The following THBS1 variants were observed in gnomAD, a reference collection of about 807,000 sequenced individuals.
THBS1 encodes the protein thrombospondin-1.
In THBS1, 29 loss-of-function variants were observed where a neutral mutation model predicts 126.1. The ratio of observed to expected loss-of-function variants is 0.23; its 90% CI spans 0.17 to 0.31. The LOEUF is 0.31. THBS1 is among the 10% of genes least tolerant of loss of function. The probability of loss-of-function intolerance (pLI) is 1.00; values close to 1 mark genes in which losing one functional copy is unlikely to be tolerated. For missense variants in THBS1, 1,198 were observed against 1,545.2 expected (o/e 0.78, Z 3.77); for synonymous variants, 496 against 577.8 (o/e 0.86, Z 2.03).
At position 39,598,324 on chromosome 15, in the gene THBS1, G is replaced by T. The variant is rs1418236506; in HGVS notation, c.*2955G>T. ...CTATAAATACTCATCTTTCTGAGTA[G>T]CCATGATCACATACAAATGTAAATT... On this transcript the variant is annotated 3_prime_UTR_variant, in exon 22 of 22. Transcript: ENST00000260356. 6.6e-6 allele frequency: 1 copy of T among 152,148 alleles called. No homozygotes were observed. The highest frequency in any genetic ancestry group is 1.5e-5 in the Non-Finnish European group (1 of 68,030). 9.4% of individuals were successfully genotyped at this position (152,148 alleles called of 1,614,324 possible). A position where few individuals can be genotyped will look rare whatever the true frequency, so the allele number is the denominator to read the frequency against.
At position 39,592,432 on chromosome 15, in the gene THBS1, G is replaced by A. The variant is rs561942568; in HGVS notation, c.2533-136G>A. 1.1e-5 allele frequency: 7 copies of A among 635,542 alleles called. No homozygotes were observed. The South Asian group carries it at 1.6e-4, about 14-fold the overall frequency. The allele number at this position is 635,542 out of a possible 1,614,324, so 39.4% of individuals were successfully genotyped here. On this transcript the variant is annotated intron_variant, in intron 16 of 21. Coordinates refer to ENST00000260356, the MANE Select transcript of THBS1 (RefSeq NM_003246.4). This position sits in a 1 kb window ranked among gnomAD's most constrained non-coding sequence, Gnocchi z 4.3. ...TTGCTACTATTGCTATCTTTCTGCA[G>A]GAGTGTGTAAATAGACATGACACCC...
rs1890422700 is a variant in THBS1, at chr15:39,595,610, T to C, written c.*241T>C. 1.6e-6 allele frequency: 1 copy of C among 636,280 alleles called. No homozygotes were observed. The highest frequency in any genetic ancestry group is 1.6e-5 in the South Asian group (1 of 62,220). 39.4% of individuals were successfully genotyped at this position (636,280 alleles called of 1,614,324 possible). On this transcript the variant is annotated 3_prime_UTR_variant, in exon 22 of 22. Transcript: ENST00000260356. The stretch of plus-strand genomic sequence containing the variant: ...CTTCCAAGCATATAAACAATTGCTT[T>C]GGTTTCCTTTTGAAAAAGCATCTAC...
At chr15:39,591,644 CAG>C in intron 16 of THBS1, 21 bp downstream of exon 16, 1 of 1,587,088 alleles carries the variant, frequency 6.3e-7, no homozygotes, top group Non-Finnish European at 8.7e-7. Flanking sequence ...GGACTCCTTT[CAG>C]AGTCTTTCAG....
rs1890546362 is a variant in THBS1, at chr15:39,598,956, C to T, written c.*3587C>T. The T allele has an allele frequency of 6.6e-6, 1 of 152,018 alleles. No homozygotes were observed. The highest frequency in any genetic ancestry group is 2.1e-4 in the South Asian group (1 of 4,824). 9.4% of individuals were successfully genotyped at this position (152,018 alleles called of 1,614,324 possible). A position where few individuals can be genotyped will look rare whatever the true frequency, so the allele number is the denominator to read the frequency against. On this transcript the variant is annotated 3_prime_UTR_variant, in exon 22 of 22. Coordinates refer to ENST00000260356, the MANE Select transcript of THBS1 (RefSeq NM_003246.4). ...TTTATTTTTGAGATGAAGTCTTGCT[C>T]TGTCGCCCAGGCTGGAGTGCAGTGA...
intron 10 of THBS1, 120 bp from the exon 11 acceptor site, chr15:39,588,839 C>T: frequency 6.3e-7 from 1 of 1,591,128 alleles, no homozygotes; most frequent in African/African-American, 1.3e-5. Flanking sequence ...CAACATAATC[C>T]CAACAAGTTA....
chr15:39,588,180 C>T lies in THBS1; in HGVS notation c.1433C>T (p.Ala478Val), dbSNP rs202167420. The change falls in exon 9 of 22, where the codon GCG (alanine) becomes GTG (valine). Residue 478 changes from alanine to valine, a missense_variant. By Grantham distance (64) the Ala-to-Val change is moderately conservative (BLOSUM62 0). Transcript: ENST00000260356. The stretch of plus-strand genomic sequence containing the variant: ...AACGGGAAACCCTGTGAAGGCGAAG[C>T]GCGGGAGACCAAAGCCTGCAAGAAA... ...QMNGKPCEGEARETKACKKDA... is the reference protein window; with the variant it reads ...QMNGKPCEGEVRETKACKKDA... The T allele has an allele frequency of 2.5e-6, 4 of 1,614,124 alleles. No individual in the cohort carries two copies. The highest frequency in any genetic ancestry group is 1.7e-5 in the Admixed American group (1 of 60,022).
intron 15 of THBS1, 66 bp from the exon 16 acceptor site, chr15:39,591,439 A>G (rs1890326749): frequency 6.2e-7 from 1 of 1,608,928 alleles, no homozygotes; most frequent in African/African-American, 1.3e-5. Flanking sequence ...GGCTATTAGT[A>G]TGCACTTTGG....
chr15:39,589,371 G>T lies in THBS1; in HGVS notation c.1926+17G>T. On this transcript the variant is annotated intron_variant, in intron 12 of 21. Coordinates refer to ENST00000260356, the MANE Select transcript of THBS1 (RefSeq NM_003246.4). The surrounding 1 kb of genome is among the most constrained non-coding windows in gnomAD (Gnocchi z 4.7). Reference sequence around the variant, plus strand: ...AACAAACAGGTACAGTCAACTAGACGAGTAAACCAGAGGACAGGAGAGCTG... The same window carrying T: ...AACAAACAGGTACAGTCAACTAGACTAGTAAACCAGAGGACAGGAGAGCTG... 1 of 1,613,356 alleles carries T rather than the reference G, an allele frequency of 6.2e-7. No individual in the cohort carries two copies. Among genetic ancestry groups the T allele is most frequent in the Non-Finnish European group, 8.5e-7 (1 of 1,179,884 alleles).
In THBS1 at chr15:39,582,524, C is replaced by G. The variant is rs1211234044; in HGVS notation, c.399C>G (p.Thr133=). The G allele has an allele frequency of 3.7e-6, 6 of 1,613,982 alleles. No individual in the cohort carries two copies. In the African/African-American group the frequency reaches 5.3e-5, roughly 14 times the overall value. ...CGGGCACCCTGGACCTCAGCCTGACCGTCCAAGGAAAGCAGCACGTGGTGT... is the reference window on the plus strand; with the variant it reads ...CGGGCACCCTGGACCTCAGCCTGACGGTCCAAGGAAAGCAGCACGTGGTGT... ...GKAGTLDLSL[T]VQGKQHVVSV... The change falls in exon 3 of 22, where the codon ACC becomes ACG. Residue 133 remains threonine, a synonymous_variant. Coordinates refer to ENST00000260356, the MANE Select transcript of THBS1 (RefSeq NM_003246.4).
intron 13 of THBS1, 130 bp from the exon 14 acceptor site, chr15:39,590,385 TA>T (rs528607447): frequency 3.0e-4 from 208 of 681,990 alleles, no homozygotes; most frequent in Non-Finnish European, 4.0e-4. Context: ...TGTCTTCCCA[TA>T]AAAAAAATAT....
chr15:39,594,825 G>A lies in THBS1; in HGVS notation c.3505+385G>A, dbSNP rs1027417359. 3.3e-5 allele frequency among the ~76,000 whole-genome samples: 5 copies of A among 152,256 alleles called. No individual in the cohort carries two copies. Among genetic ancestry groups the A allele is most frequent in the Middle Eastern group, 3.4e-3 (1 of 294 alleles). On this transcript the variant is annotated intron_variant, in intron 21 of 21. Coordinates refer to ENST00000260356, the MANE Select transcript of THBS1 (RefSeq NM_003246.4). The surrounding 1 kb of genome is among the most constrained non-coding windows in gnomAD (Gnocchi z 4.4). ...GAGTTAGCATTCCCAACTTTTCCCT[G>A]TATACAAAGAAGGGAGAGGAATGTT...
rs1555385363 is a variant in THBS1, at chr15:39,593,202, C to T, written c.2970C>T (p.Val990=). 13 of 1,613,878 alleles carry T rather than the reference C, an allele frequency of 8.1e-6. No homozygotes were observed. In the Admixed American group the frequency reaches 1.0e-4, roughly 12 times the overall value. The change falls in exon 18 of 22, where the codon GTC becomes GTT. Residue 990 remains valine (V), a synonymous_variant. Transcript: ENST00000260356. This position sits in a 1 kb window ranked among gnomAD's most constrained non-coding sequence, Gnocchi z 5.9. ...RHQGKELVQT[V]NCDPGLAVGY... ...AGGGTAAAGAACTCGTCCAGACTGT[C>T]AACTGTGATCCTGGACTCGCTGTAG...
chr15:39,588,513 C>A lies in THBS1; in HGVS notation c.1472-13C>A. ...TTGATCTTAATTGTTGCCTGTGGTT[C>A]ATCTTCTTACAGTCAATGGAGGCTG... On this transcript the variant is annotated splice_polypyrimidine_tract_variant and intron_variant, in intron 9 of 21. Transcript: ENST00000260356. 6.5e-7 allele frequency: 1 copy of A among 1,534,992 alleles called. No individual in the cohort carries two copies. Among genetic ancestry groups the A allele is most frequent in the South Asian group, 1.3e-5 (1 of 77,134 alleles).
Position 39,588,633 on chromosome 15 carries a change from G to A in THBS1, c.1579G>A (p.Gly527Arg). The A allele has an allele frequency of 6.2e-7, 1 of 1,611,032 alleles. No individual in the cohort carries two copies. Among genetic ancestry groups the A allele is most frequent in the Non-Finnish European group, 8.5e-7 (1 of 1,178,868 alleles). ...CTGCAACAACCCCACACCCCAGTTTGGAGGCAAGGACTGCGTTGGTGATGT... is the reference window on the plus strand; with the variant it reads ...CTGCAACAACCCCACACCCCAGTTTAGAGGCAAGGACTGCGTTGGTGATGT... Reference protein sequence around the residue: ...RLCNNPTPQFGGKDCVGDVTE... With the variant: ...RLCNNPTPQFRGKDCVGDVTE... Residue 527 changes from glycine to arginine, a missense_variant, in exon 10 of 22, where the codon GGA becomes AGA. Gly to Arg is a moderately radical substitution (Grantham distance 125). Transcript: ENST00000260356.
intron 4 of THBS1, 114 bp from the exon 5 acceptor site, chr15:39,583,874 G>A (rs538932177): frequency 1.1e-5 from 15 of 1,350,600 alleles, no homozygotes; most frequent in African/African-American, 8.7e-5. Flanking sequence ...GCGCATACAC[G>A]CAACCCCTCT....
rs905318517 is a variant in THBS1, at chr15:39,589,684, C to G, written c.1927-121C>G. On this transcript the variant is annotated intron_variant, in intron 12 of 21. Coordinates refer to ENST00000260356, the MANE Select transcript of THBS1 (RefSeq NM_003246.4). The surrounding 1 kb of genome is among the most constrained non-coding windows in gnomAD (Gnocchi z 4.7). ...GGAGAATGGGGAGGGACAGAGGTAACCCACACTCTTCCAAATGGAGCCTCT... is the reference window on the plus strand; with the variant it reads ...GGAGAATGGGGAGGGACAGAGGTAAGCCACACTCTTCCAAATGGAGCCTCT... The G allele has an allele frequency of 4.5e-6, 5 of 1,108,840 alleles. No individual in the cohort carries two copies. In the African/African-American group the frequency reaches 7.9e-5, roughly 18 times the overall value. The allele number at this position is 1,108,840 out of a possible 1,614,324, so 68.7% of individuals were successfully genotyped here. A position where few individuals can be genotyped will look rare whatever the true frequency, so the allele number is the denominator to read the frequency against.
rs774121719 is a variant in THBS1 at position 39,581,833 on chromosome 15, C to T, written c.-25C>T. On this transcript the variant is annotated 5_prime_UTR_variant, in exon 2 of 22. Transcript: ENST00000260356. ...CTCTTGTGCTTCCTGCTACAGGATC[C>T]CTGCTGGGCACCAACAGCTCCACCA... The T allele has an allele frequency of 2.5e-6, 4 of 1,610,366 alleles. No homozygotes were observed. Among genetic ancestry groups the T allele is most frequent in the Non-Finnish European group, 2.5e-6 (3 of 1,176,852 alleles).
In THBS1 at chr15:39,598,220, C is replaced by T. The variant is rs180717009; in HGVS notation, c.*2851C>T. On this transcript the variant is annotated 3_prime_UTR_variant, in exon 22 of 22. Transcript: ENST00000260356. ...GAAATTTTATGAGTAGGTTAAAGGT[C>T]TGGCTTTGAGGTCTATTAAACACTA... 1.7e-4 allele frequency: 26 copies of T among 152,288 alleles called. No individual in the cohort carries two copies. The East Asian group carries it at 3.5e-3, about 20-fold the overall frequency. The allele number at this position is 152,288 out of a possible 1,614,324, so 9.4% of individuals were successfully genotyped here.
At position 39,596,276 on chromosome 15, in the gene THBS1, T is replaced by C. The variant is rs965072286; in HGVS notation, c.*907T>C. The stretch of plus-strand genomic sequence containing the variant: ...TTATGGTTACAATGGCACAAAATTA[T>C]TATCAACCTAACTAAAACATTCCTT... On this transcript the variant is annotated 3_prime_UTR_variant, in exon 22 of 22. Coordinates refer to ENST00000260356, the MANE Select transcript of THBS1 (RefSeq NM_003246.4). 4 of 156,732 alleles carry C rather than the reference T, an allele frequency of 2.6e-5. No individual in the cohort carries two copies. In the East Asian group the frequency reaches 7.4e-4, roughly 29 times the overall value. The allele number at this position is 156,732 out of a possible 1,614,324, so 9.7% of individuals were successfully genotyped here.
Sources: allele counts gnomAD v4.1 joint callset (sites outside exome capture counted in the v4.1 genomes callset), GRCh38; gene constraint gnomAD v4.1.1; non-coding constraint Gnocchi (gnomAD v3.1); transcripts MANE v1.5; gene names NCBI Gene and HGNC (gene_info 2026-07-23, HGNC 2026-07-21).